The following NPTXR variants were observed in gnomAD, a reference collection of about 807,000 sequenced individuals.
NPTXR encodes neuronal pentraxin receptor.
A neutral mutation model predicts 32.2 loss-of-function variants in NPTXR; 12 were observed. The ratio of observed to expected loss-of-function variants is 0.37; its 90% CI spans 0.24 to 0.60. The LOEUF (loss-of-function observed/expected upper bound fraction) is 0.60, where lower values mean the gene tolerates loss of function less well. Ranked by LOEUF, NPTXR falls within the 20% of genes least tolerant of loss-of-function variation. The pLI, the probability that NPTXR is intolerant of heterozygous loss-of-function variation, is 0.66. For missense variants in NPTXR, 612 were observed against 682.9 expected, an observed-to-expected ratio of 0.90 and a Z score of 1.16; for synonymous variants, 323 against 315.8, an observed-to-expected ratio of 1.02 and a Z score of -0.24.
At chr22:38,831,879 C>T (rs76771880) in intron 1 of NPTXR, among the ~76,000 whole-genome samples, 1,998 of 152,248 alleles carry the variant, frequency 0.013, 40 homozygotes, top group African/African-American at 0.046. Context: ...TGGCACTCTT[C>T]GTATCCCCAT....
At chr22:38,841,298 G>C (rs1252378630) in intron 1 of NPTXR, among the ~76,000 whole-genome samples, 1 of 152,266 alleles carries the variant, frequency 6.6e-6, no homozygotes, top group Non-Finnish European at 1.5e-5. Flanking sequence ...TCAGAAAAGA[G>C]GAAAAGGTAT....
At position 38,826,398 on chromosome 22, in the gene NPTXR, G is replaced by C. The variant is rs2093106610; in HGVS notation, c.1098+102C>G. ...GTACTTAATGTGTGCTGAATATGCAGAGCAGGAGAATGAGCAGGAGAATGA... is the reference window on the plus strand; with the variant it reads ...GTACTTAATGTGTGCTGAATATGCACAGCAGGAGAATGAGCAGGAGAATGA... On this transcript the variant is annotated intron_variant, in intron 3 of 4. Coordinates refer to ENST00000333039, the MANE Select transcript of NPTXR (RefSeq NM_014293.4). 11 of 1,366,312 alleles carry C rather than the reference G, an allele frequency of 8.1e-6. No individual in the cohort carries two copies. The East Asian group carries it at 2.5e-4, about 31-fold the overall frequency. 84.6% of individuals were successfully genotyped at this position (1,366,312 alleles called of 1,614,324 possible).
chr22:38,823,349 C>T, intron 3 of NPTXR, 87 bp from the exon 4 acceptor site: 1 of 1,252,398 alleles, frequency 8.0e-7, no homozygotes, highest in Non-Finnish European at 1.1e-6. Flanking sequence ...CTGGGGAGAC[C>T]CATGTCCATC....
intron 1 of NPTXR, among the ~76,000 whole-genome samples, chr22:38,833,802 G>C (rs1260196629): frequency 6.6e-6 from 1 of 151,726 alleles, no homozygotes; most frequent in South Asian, 2.1e-4. Context: ...TCAGCCTCCC[G>C]AGTAGCTGGG....
In NPTXR at chr22:38,822,503, G is replaced by A. The variant is rs566403657; in HGVS notation, c.*106C>T. 26 of 936,972 alleles carry A rather than the reference G, an allele frequency of 2.8e-5. No individual in the cohort carries two copies. The African/African-American group carries it at 3.1e-4, about 11-fold the overall frequency. 58.0% of individuals were successfully genotyped at this position (936,972 alleles called of 1,614,324 possible). On this transcript the variant is annotated 3_prime_UTR_variant, in exon 5 of 5. Coordinates refer to ENST00000333039, the MANE Select transcript of NPTXR (RefSeq NM_014293.4). ...GGAAATGGGAGGCACAGCCAGGAGTGGGGCAGGAGGGAAGGCCAGTGCGTG... is the reference window on the plus strand; with the variant it reads ...GGAAATGGGAGGCACAGCCAGGAGTAGGGCAGGAGGGAAGGCCAGTGCGTG...
intron 1 of NPTXR, among the ~76,000 whole-genome samples, chr22:38,836,048 C>A (rs1173306485): frequency 1.3e-5 from 2 of 152,154 alleles, no homozygotes; most frequent in Non-Finnish European, 2.9e-5. Flanking sequence ...AGAAAAGGTG[C>A]TCAACGTCAT....
At position 38,819,662 on chromosome 22, in the gene NPTXR, T is replaced by C. The variant is rs2093093617; in HGVS notation, c.*2947A>G. 6.6e-6 allele frequency: 1 copy of C among 152,312 alleles called. No homozygotes were observed. The highest frequency in any genetic ancestry group is 1.5e-5 in the Non-Finnish European group (1 of 68,090). 9.4% of individuals were successfully genotyped at this position (152,312 alleles called of 1,614,324 possible). On this transcript the variant is annotated 3_prime_UTR_variant, in exon 5 of 5. Transcript: ENST00000333039. ...AAGAACGTCCTAACTTAGAACTGTG[T>C]TGTGAGATCAACAGGACGGTGCCTG...
chr22:38,823,278 C>A lies in NPTXR; in HGVS notation c.1099-16G>T. 1 of 1,607,232 alleles carries A rather than the reference C, an allele frequency of 6.2e-7. No homozygotes were observed. The highest frequency in any genetic ancestry group is 8.5e-7 in the Non-Finnish European group (1 of 1,179,620). ...GCTGGGCCACCTGGACACAGGTCCC[C>A]CAACCCCAGGTCAGAGGTGCCCCAA... On this transcript the variant is annotated splice_polypyrimidine_tract_variant and intron_variant, in intron 3 of 4. Transcript: ENST00000333039.
chr22:38,824,329 A>G (rs923495275), intron 3 of NPTXR, among the ~76,000 whole-genome samples: 6 of 152,046 alleles, frequency 3.9e-5, no homozygotes, highest in African/African-American at 9.7e-5. Context: ...TCTGAGGCCT[A>G]CGTGGTGCCT....
At chr22:38,835,096 G>A (rs2093121999) in intron 1 of NPTXR, among the ~76,000 whole-genome samples, 1 of 151,848 alleles carries the variant, frequency 6.6e-6, no homozygotes, top group African/African-American at 2.4e-5. Flanking sequence ...TAAGGCCCTT[G>A]ACAGGCCTGG....
intron 1 of NPTXR, among the ~76,000 whole-genome samples, chr22:38,832,833 C>T (rs1449367426): frequency 6.6e-6 from 1 of 151,948 alleles, no homozygotes; most frequent in African/African-American, 2.4e-5. Context: ...GTTGCCCTGC[C>T]TAACTCGAAG....
intron 1 of NPTXR, among the ~76,000 whole-genome samples, chr22:38,832,887 C>T (rs1201260048): frequency 3.9e-5 from 6 of 152,118 alleles, no homozygotes; most frequent in African/African-American, 1.4e-4. Context: ...TCTAGAAGAT[C>T]CAGAAGGTTG....
In NPTXR at chr22:38,819,388, T is replaced by A. The variant is rs1937494606; in HGVS notation, c.*3221A>T. Reference sequence around the variant, plus strand: ...TGGCACGGCTTCACCAAGGGGACCCTGGCCCTGGGGCTGGCCCACCCCCTG... The same window carrying A: ...TGGCACGGCTTCACCAAGGGGACCCAGGCCCTGGGGCTGGCCCACCCCCTG... On this transcript the variant is annotated 3_prime_UTR_variant, in exon 5 of 5. Transcript: ENST00000333039. The A allele has an allele frequency of 6.6e-6, 1 of 152,592 alleles. No individual in the cohort carries two copies. The highest frequency in any genetic ancestry group is 2.1e-4 in the South Asian group (1 of 4,844). 9.5% of individuals were successfully genotyped at this position (152,592 alleles called of 1,614,324 possible).
chr22:38,824,217 T>C (rs1312357968), intron 3 of NPTXR, among the ~76,000 whole-genome samples: 1 of 151,058 alleles, frequency 6.6e-6, no homozygotes, highest in African/African-American at 2.4e-5. Context: ...GGTCTTGAAC[T>C]CCTGACCTCA....
rs878975115 is a variant in NPTXR, at chr22:38,823,149, G to A, written c.1212C>T (p.Ser404=). The change falls in exon 4 of 5, where the codon TCC becomes TCT. Residue 404 remains serine (S), a synonymous_variant. Coordinates refer to ENST00000333039, the MANE Select transcript of NPTXR (RefSeq NM_014293.4). ...GGTGCCAGGCAGCCAGGTTCTCACC[G>A]GAGCCCTGCAGCTCCCCGTCCTGGT... is the stretch of plus-strand genomic sequence containing the variant. 15 of 1,614,112 alleles carry A rather than the reference G, an allele frequency of 9.3e-6. 1 individual carries two copies. Among genetic ancestry groups the A allele is most frequent in the South Asian group, 6.6e-5 (6 of 91,084 alleles).
At chr22:38,840,610 G>GA (rs2093130460) in intron 1 of NPTXR, among the ~76,000 whole-genome samples, 1 of 152,102 alleles carries the variant, frequency 6.6e-6, no homozygotes, top group South Asian at 2.1e-4. Context: ...GGTTCAAGCT[G>GA]AAACACAGTG....
chr22:38,839,995 C>G (rs1266621615), intron 1 of NPTXR, among the ~76,000 whole-genome samples: 1 of 152,234 alleles, frequency 6.6e-6, no homozygotes, highest in Non-Finnish European at 1.5e-5. Flanking sequence ...TTGAATGCAG[C>G]ATTTTCCCCA....
intron 1 of NPTXR, among the ~76,000 whole-genome samples, chr22:38,836,874 G>A (rs891733860): frequency 2.6e-5 from 4 of 152,086 alleles, no homozygotes; most frequent in African/African-American, 9.7e-5. Flanking sequence ...TAGTGCAGTG[G>A]TGCAATCTCA....
chr22:38,836,501 G>A (rs113002198), intron 1 of NPTXR, among the ~76,000 whole-genome samples: 5,028 of 152,316 alleles, frequency 0.033, 114 homozygotes, highest in East Asian at 0.077. Flanking sequence ...ATCACCAGAC[G>A]CAAGGGTGCA....
Sources: gnomAD v4.1 joint callset for allele counts (sites outside exome capture counted in the v4.1 genomes callset) on GRCh38, gnomAD v4.1.1 for gene constraint, MANE v1.5 for transcripts, NCBI Gene and HGNC (gene_info 2026-07-23, HGNC 2026-07-21) for gene names.